TRDN: variants seen among roughly 807,000 people sequenced by gnomAD.
TRDN encodes triadin.
A neutral mutation model predicts 149.7 loss-of-function variants in TRDN; 161 were observed. That is an observed-to-expected ratio of 1.08 (90% CI 0.95 to 1.23). The LOEUF (loss-of-function observed/expected upper bound fraction) is 1.23. Among genes scored for constraint, TRDN ranks in the 50% most tolerant of loss-of-function variants. TRDN has a pLI of 0.00. For missense variants in TRDN, 896 were observed against 823.5 expected, an observed-to-expected ratio of 1.09 and a Z score of -1.08; for synonymous variants, 294 against 250.5, an observed-to-expected ratio of 1.17 and a Z score of -1.64.
intron 26 of TRDN, among the ~76,000 whole-genome samples, chr6:123,277,991 G>A (rs1192522182): frequency 6.6e-6 from 1 of 152,182 alleles, no homozygotes; most frequent in Admixed American, 6.6e-5. Flanking sequence ...CCTCAAAAGA[G>A]AGAAGGATGA....
intron 9 of TRDN, among the ~76,000 whole-genome samples, chr6:123,478,454 T>A (rs1213566961): frequency 6.6e-6 from 1 of 152,194 alleles, no homozygotes; most frequent in African/African-American, 2.4e-5. Context: ...TTAAAAATAA[T>A]TTCTTTTAGT....
chr6:123,225,017 T>C (rs1428323813), intron 38 of TRDN, among the ~76,000 whole-genome samples: 2 of 151,758 alleles, frequency 1.3e-5, no homozygotes, highest in East Asian at 3.9e-4. Flanking sequence ...AGGAGGTTGA[T>C]ACCTAAAATA....
intron 30 of TRDN, among the ~76,000 whole-genome samples, 182 bp from the exon 31 acceptor site, chr6:123,270,048 A>C (rs2114610966): frequency 6.6e-6 from 1 of 152,144 alleles, no homozygotes; most frequent in South Asian, 2.1e-4. Flanking sequence ...AACTGCAAAA[A>C]ACTAGTAAGA....
At chr6:123,476,056 C>G (rs1281918375) in intron 9 of TRDN, among the ~76,000 whole-genome samples, 1 of 135,764 alleles carries the variant, frequency 7.4e-6, no homozygotes, top group African/African-American at 2.8e-5. Context: ...AAGTTCTGGC[C>G]AGGGCAATTA....
At chr6:123,600,961 A>T (rs1024132490) in intron 1 of TRDN, among the ~76,000 whole-genome samples, 1 of 152,118 alleles carries the variant, frequency 6.6e-6, no homozygotes, top group African/African-American at 2.4e-5. Flanking sequence ...TTATCAGTTA[A>T]ATACTGAACA....
At chr6:123,468,411 A>G (rs899057186) in intron 9 of TRDN, among the ~76,000 whole-genome samples, 4 of 152,112 alleles carry the variant, frequency 2.6e-5, no homozygotes, top group Admixed American at 2.0e-4. Flanking sequence ...TATTTCCATA[A>G]TACCTGAATG....
At chr6:123,529,515 T>C in intron 5 of TRDN, 1 of 693,528 alleles carries the variant, frequency 1.4e-6, no homozygotes, top group Non-Finnish European at 2.5e-6. Flanking sequence ...ACATGAAGTA[T>C]ATTTTAAAAA....
At chr6:123,349,844 G>T (rs957848454) in intron 21 of TRDN, 1 of 985,252 alleles carries the variant, frequency 1.0e-6, no homozygotes, top group African/African-American at 1.7e-5. Context: ...TAAGGTGGAT[G>T]AGGACAGTGA....
chr6:123,225,015 G>T (rs1417561923), intron 38 of TRDN, among the ~76,000 whole-genome samples: 4 of 151,708 alleles, frequency 2.6e-5, no homozygotes, highest in Non-Finnish European at 5.9e-5. Flanking sequence ...AAAGGAGGTT[G>T]ATACCTAAAA....
intron 25 of TRDN, 146 bp downstream of exon 25, chr6:123,278,910 T>A (rs568388859): frequency 3.4e-6 from 2 of 593,884 alleles, no homozygotes; most frequent in East Asian, 6.5e-5. Flanking sequence ...AGAAAATGAG[T>A]ACATTGTCTA....
intron 4 of TRDN, among the ~76,000 whole-genome samples, chr6:123,542,594 TTAAG>T (rs1022827235): frequency 1.2e-4 from 18 of 152,246 alleles, no homozygotes; most frequent in African/African-American, 3.1e-4. Flanking sequence ...AGATGGAGGT[TTAAG>T]TGAGAATAAA....
At chr6:123,367,441 C>T (rs572459559) in intron 19 of TRDN, among the ~76,000 whole-genome samples, 6 of 152,270 alleles carry the variant, frequency 3.9e-5, no homozygotes, top group Admixed American at 3.3e-4. Flanking sequence ...CCACAAAACC[C>T]GGCTTTTGAA....
intron 27 of TRDN, among the ~76,000 whole-genome samples, chr6:123,273,840 T>G (rs1777284076): frequency 6.6e-6 from 1 of 152,058 alleles, no homozygotes; most frequent in Non-Finnish European, 1.5e-5. Context: ...CCTGAGGGTT[T>G]TTTTGAACTT....
At chr6:123,299,653 C>T (rs1778332672) in intron 24 of TRDN, among the ~76,000 whole-genome samples, 1 of 151,846 alleles carries the variant, frequency 6.6e-6, no homozygotes, top group East Asian at 1.9e-4. Context: ...AAGTATCTCA[C>T]CAATGTGAAG....
intron 8 of TRDN, chr6:123,502,966 C>A (rs2114830322): frequency 1.0e-6 from 1 of 985,216 alleles, no homozygotes; most frequent in Non-Finnish European, 1.2e-6. Context: ...CCCTTAGTTG[C>A]CCTCCTAAAC....
At chr6:123,235,445 G>A (rs1775750378) in intron 38 of TRDN, among the ~76,000 whole-genome samples, 1 of 152,052 alleles carries the variant, frequency 6.6e-6, no homozygotes, top group African/African-American at 2.4e-5. Context: ...GCAAGACAGG[G>A]TCAGTAAAGA....
intron 38 of TRDN, among the ~76,000 whole-genome samples, chr6:123,249,457 A>G (rs576662266): frequency 8.7e-4 from 133 of 152,222 alleles, no homozygotes; most frequent in African/African-American, 3.1e-3. Flanking sequence ...ATAAATAATT[A>G]TATTAAAAAG....
chr6:123,254,718 A>G (rs891987342), intron 37 of TRDN, among the ~76,000 whole-genome samples: 15 of 152,024 alleles, frequency 9.9e-5, no homozygotes, highest in African/African-American at 3.6e-4. Context: ...TCATGATCTT[A>G]ACTATATGTT....
intron 13 of TRDN, among the ~76,000 whole-genome samples, chr6:123,392,462 T>C (rs2114457265): frequency 6.6e-6 from 1 of 152,114 alleles, no homozygotes; most frequent in Middle Eastern, 3.4e-3. Context: ...TGAAAACATA[T>C]ATACACTAAT....
Sources: gnomAD v4.1 joint callset for allele counts (sites outside exome capture counted in the v4.1 genomes callset) on GRCh38, gnomAD v4.1.1 for gene constraint, MANE v1.5 for transcripts, NCBI Gene and HGNC (gene_info 2026-07-23, HGNC 2026-07-21) for gene names.